Variants in RALGAPA2 observed in about 807,000 individuals in gnomAD.
RALGAPA2 encodes Ral GTPase activating protein catalytic subunit alpha 2, also known as ral GTPase-activating protein subunit alpha-2.
RALGAPA2 carries 139 observed loss-of-function variants against 230.4 expected under a neutral mutation model. The ratio of observed to expected loss-of-function variants is 0.60; its 90% CI spans 0.53 to 0.69. RALGAPA2 has a LOEUF of 0.69. Ranked by LOEUF, RALGAPA2 falls within the 30% of genes least tolerant of loss-of-function variation. The probability of loss-of-function intolerance (pLI) is 0.00; values close to 1 mark genes in which losing one functional copy is unlikely to be tolerated. For synonymous variants in RALGAPA2, 847 were observed against 837.8 expected, an observed-to-expected ratio of 1.01 and a Z score of -0.19; for missense variants, 2,163 against 2,276.0, an observed-to-expected ratio of 0.95 and a Z score of 1.01.
rs183017844 is a variant in RALGAPA2, at chr20:20,435,903, G to A, written c.5496-23755C>T. On this transcript the variant is annotated intron_variant, in intron 37 of 39. Coordinates refer to ENST00000202677, the MANE Select transcript of RALGAPA2 (RefSeq NM_020343.4). ...CAAGATTAGTCTGTGAGCAGGATTA[G>A]TAAAAATTCTTAGAAATTTATTGTT... Among the ~76,000 whole-genome samples, 173 of 152,320 alleles carry A rather than the reference G, an allele frequency of 1.1e-3. 1 individual carries two copies. Among genetic ancestry groups the A allele is most frequent in the African/African-American group, 3.9e-3 (162 of 41,556 alleles).
intron 16 of RALGAPA2, among the ~76,000 whole-genome samples, chr20:20,594,207 T>C (rs1704024174): frequency 6.6e-6 from 1 of 152,246 alleles, no homozygotes; most frequent in African/African-American, 2.4e-5. Context: ...TTTGTAACAG[T>C]ATATTTATTG....
chr20:20,405,725 T>C (rs914406129), intron 38 of RALGAPA2, among the ~76,000 whole-genome samples: 6 of 152,210 alleles, frequency 3.9e-5, no homozygotes, highest in African/African-American at 1.4e-4. Flanking sequence ...CGCTGGCTCC[T>C]GACTTCCCCT....
intron 14 of RALGAPA2, 60 bp downstream of exon 14, chr20:20,611,255 G>C (rs2065965495): frequency 1.3e-6 from 2 of 1,519,582 alleles, no homozygotes. Flanking sequence ...ATTAAAACTA[G>C]TTTGCTACAA....
chr20:20,527,448 GCT>G (rs1357096829), intron 27 of RALGAPA2, among the ~76,000 whole-genome samples: 1 of 151,972 alleles, frequency 6.6e-6, no homozygotes, highest in Admixed American at 6.6e-5. Flanking sequence ...AAACACTCTG[GCT>G]TGCTTCTGCC....
In RALGAPA2 at chr20:20,598,764, G is replaced by A. The variant is rs1449509689; in HGVS notation, c.2203+2918C>T. The stretch of plus-strand genomic sequence containing the variant: ...GAAGGAGGAGCGGGACGCTTTTAGT[G>A]GCAGGCAAAGCCTCAGAAAGGTGGA... On this transcript the variant is annotated intron_variant, in intron 16 of 39. Transcript: ENST00000202677. 6.6e-6 allele frequency: 3 copies of A among 456,422 alleles called. No individual in the cohort carries two copies. The Admixed American group carries it at 7.1e-5, about 11-fold the overall frequency. The allele number at this position is 456,422 out of a possible 1,614,324, so 28.3% of individuals were successfully genotyped here.
chr20:20,505,422 G>A lies in RALGAPA2; in HGVS notation c.5041C>T (p.Leu1681Phe). The stretch of plus-strand genomic sequence containing the variant: ...ATGAAATGCATTACCTCCCATCCAA[G>A]TCCAGCAACAAAGTCTTCATATGCT... ...SQAYEDFVAG[L>F]GWEVDLSTHC... The change falls in exon 34 of 40, where the codon CTT (leucine) becomes TTT (phenylalanine). Residue 1681 changes from leucine (L) to phenylalanine (F), a missense_variant. Leu to Phe is a conservative substitution (Grantham distance 22). Transcript: ENST00000202677. 1.3e-6 allele frequency: 2 copies of A among 1,599,198 alleles called. No homozygotes were observed. The highest frequency in any genetic ancestry group is 1.7e-6 in the Non-Finnish European group (2 of 1,172,494).
chr20:20,572,212 G>A (rs935201800), intron 21 of RALGAPA2, among the ~76,000 whole-genome samples: 15 of 151,796 alleles, frequency 9.9e-5, no homozygotes, highest in African/African-American at 2.9e-4. Flanking sequence ...AATTCCAAAC[G>A]ATAAGTAACA....
At chr20:20,677,897 C>T (rs536817052) in intron 2 of RALGAPA2, among the ~76,000 whole-genome samples, 1 of 151,872 alleles carries the variant, frequency 6.6e-6, no homozygotes, top group Non-Finnish European at 1.5e-5. Flanking sequence ...CTGCCCTCCT[C>T]GGCCTCCCAA....
At chr20:20,440,061 T>C (rs896889201) in intron 37 of RALGAPA2, among the ~76,000 whole-genome samples, 1 of 152,212 alleles carries the variant, frequency 6.6e-6, no homozygotes, top group Non-Finnish European at 1.5e-5. Context: ...CAAATAATGC[T>C]AATTTTCTTT....
At position 20,531,629 on chromosome 20, in the gene RALGAPA2, A is replaced by G. The variant is rs945954078; in HGVS notation, c.3582+58T>C. Reference sequence around the variant, plus strand: ...AAAGATGGGGCTAATTCAAACTCAAACTGTTAAATGCCTCAGATATGGCTT... The same window carrying G: ...AAAGATGGGGCTAATTCAAACTCAAGCTGTTAAATGCCTCAGATATGGCTT... On this transcript the variant is annotated intron_variant, in intron 27 of 39. Coordinates refer to ENST00000202677, the MANE Select transcript of RALGAPA2 (RefSeq NM_020343.4). The G allele has an allele frequency of 3.0e-6, 4 of 1,347,936 alleles. No homozygotes were observed. The African/African-American group carries it at 5.8e-5, about 20-fold the overall frequency. The allele number at this position is 1,347,936 out of a possible 1,614,324, so 83.5% of individuals were successfully genotyped here. A position where few individuals can be genotyped will look rare whatever the true frequency, so the allele number is the denominator to read the frequency against.
chr20:20,584,716 G>A, intron 19 of RALGAPA2, 149 bp downstream of exon 19: 1 of 544,310 alleles, frequency 1.8e-6, no homozygotes, highest in African/African-American at 1.9e-5. Context: ...GGGAGGTTGA[G>A]GCTGCAGTGA....
intron 38 of RALGAPA2, among the ~76,000 whole-genome samples, chr20:20,400,435 C>T (rs183133262): frequency 1.6e-3 from 237 of 152,266 alleles, no homozygotes; most frequent in African/African-American, 5.3e-3. Context: ...TGCTCCCGTG[C>T]AGGGGCTAAG....
intron 3 of RALGAPA2, chr20:20,659,861 C>G (rs908158419): frequency 6.9e-6 from 4 of 577,228 alleles, no homozygotes; most frequent in East Asian, 4.6e-5. Flanking sequence ...CCTGGACCAG[C>G]AGAGCATCCC....
rs374993331 is a variant in RALGAPA2 at position 20,503,382 on chromosome 20, G to A, written c.5177C>T (p.Pro1726Leu). 70 of 1,601,774 alleles carry A rather than the reference G, an allele frequency of 4.4e-5. No homozygotes were observed. In the East Asian group the frequency reaches 1.0e-3, roughly 23 times the overall value. ...GGTGAGGGAATCATCTGAGTCTGAC[G>A]GCATTCGAGTGGAAACATGGAAAAT... ...EVIFHVSTRM[P>L]SDSDDSLTKK... The change falls in exon 35 of 40, where the codon CCG becomes CTG. Residue 1726 changes from proline to leucine, a missense_variant. Physicochemically the swap from Pro to Leu is moderately conservative, Grantham distance 98. Coordinates refer to ENST00000202677, the MANE Select transcript of RALGAPA2 (RefSeq NM_020343.4).
At chr20:20,478,840 T>C (rs1295677978) in intron 36 of RALGAPA2, among the ~76,000 whole-genome samples, 1 of 151,850 alleles carries the variant, frequency 6.6e-6, no homozygotes, top group Non-Finnish European at 1.5e-5. Context: ...CCTGCACATG[T>C]ACTCCTGGAA....
chr20:20,411,542 C>T (rs900752195), intron 38 of RALGAPA2, among the ~76,000 whole-genome samples: 15 of 152,348 alleles, frequency 9.8e-5, no homozygotes, highest in African/African-American at 1.4e-4. Context: ...CAGAGAGACA[C>T]GCACACTGCA....
At chr20:20,636,591 CATAG>C (rs2066869064) in intron 8 of RALGAPA2, among the ~76,000 whole-genome samples, 1 of 151,302 alleles carries the variant, frequency 6.6e-6, no homozygotes, top group Non-Finnish European at 1.5e-5. Context: ...TGTACGCATA[CATAG>C]AAACACACAG....
At chr20:20,638,769 G>A (rs1361699881) in intron 7 of RALGAPA2, among the ~76,000 whole-genome samples, 1 of 152,198 alleles carries the variant, frequency 6.6e-6, no homozygotes, top group Non-Finnish European at 1.5e-5. Context: ...CCCCAGTCAG[G>A]TTCTCAGGAT....
intron 33 of RALGAPA2, among the ~76,000 whole-genome samples, chr20:20,507,332 T>C (rs1266261310): frequency 6.6e-6 from 1 of 152,220 alleles, no homozygotes; most frequent in Non-Finnish European, 1.5e-5. Context: ...TAATCTTTAA[T>C]GTTTTTAATC....
Sources: gnomAD v4.1 joint callset for allele counts (sites outside exome capture counted in the v4.1 genomes callset) on GRCh38, gnomAD v4.1.1 for gene constraint, MANE v1.5 for transcripts, NCBI Gene and HGNC (gene_info 2026-07-23, HGNC 2026-07-21) for gene names.